The following FREM3 variants were observed in gnomAD, a reference collection of about 807,000 sequenced individuals.
FREM3 encodes FRAS1-related extracellular matrix protein 3.
FREM3 carries 105 observed loss-of-function variants against 129.1 expected under a neutral mutation model. That is an observed-to-expected ratio of 0.81 (90% CI 0.69 to 0.96). FREM3 has a LOEUF of 0.96. Ranked by LOEUF, FREM3 falls within the 40% of genes least tolerant of loss-of-function variation. FREM3 has a pLI of 0.00. For synonymous variants in FREM3, 1,014 were observed against 1,044.9 expected, an observed-to-expected ratio of 0.97 and a Z score of 0.57; for missense variants, 2,593 against 2,666.3, an observed-to-expected ratio of 0.97 and a Z score of 0.61.
intron 2 of FREM3, among the ~76,000 whole-genome samples, chr4:143,654,968 G>C (rs567482359): frequency 6.6e-6 from 1 of 152,352 alleles, no homozygotes; most frequent in African/African-American, 2.4e-5. Flanking sequence ...TAAGCATGGA[G>C]GAGCACACGG....
At position 143,697,726 on chromosome 4, in the gene FREM3, G is replaced by A. The variant is rs1372876898; in HGVS notation, c.2950C>T (p.Leu984=). ...GKRKDVGDLM[L]SFIVKDSPKL... ...GGGCTGTCCTTTACAATGAAAGACA[G>A]CATCAAGTCACCTACATCCTTCCTT... is the stretch of plus-strand genomic sequence containing the variant. Residue 984 remains leucine (L), a synonymous_variant, in exon 1 of 8, where the codon CTG becomes TTG. Coordinates refer to ENST00000329798, the MANE Select transcript of FREM3 (RefSeq NM_001168235.2). 8 of 1,537,548 alleles carry A rather than the reference G, an allele frequency of 5.2e-6. No individual in the cohort carries two copies. The highest frequency in any genetic ancestry group is 3.6e-5 in the South Asian group (3 of 84,064).
In FREM3 at chr4:143,674,981, C is replaced by T. The variant is rs184163238; in HGVS notation, c.5275+18132G>A. 8.4e-3 allele frequency among the ~76,000 whole-genome samples: 1,286 copies of T among 152,208 alleles called. 5 individuals carry two copies. The highest frequency in any genetic ancestry group is 0.013 in the Non-Finnish European group (915 of 68,000). On this transcript the variant is annotated intron_variant, in intron 2 of 7. Coordinates refer to ENST00000329798, the MANE Select transcript of FREM3 (RefSeq NM_001168235.2). The stretch of plus-strand genomic sequence containing the variant: ...CCCCACTGAACATTAGACAGATCAA[C>T]GAGAAAGAAAGTTAACAAGGATATC...
Position 143,700,504 on chromosome 4 carries a change from C to G in FREM3, c.172G>C (p.Asp58His), listed in dbSNP as rs756055456. 3 of 1,515,084 alleles carry G rather than the reference C, an allele frequency of 2.0e-6. No homozygotes were observed. The South Asian group carries it at 3.7e-5, about 19-fold the overall frequency. The allele number at this position is 1,515,084 out of a possible 1,614,324, so 93.9% of individuals were successfully genotyped here. A position where few individuals can be genotyped will look rare whatever the true frequency, so the allele number is the denominator to read the frequency against. Residue 58 changes from aspartate to histidine, a missense_variant, in exon 1 of 8, where the codon GAC (aspartate) becomes CAC (histidine). Physicochemically the swap from Asp to His is moderately conservative, Grantham distance 81 (BLOSUM62 -1). Around this residue, in one of 2 missense-constraint regions of FREM3, gnomAD observed 2,276 missense variants for 2,267.2 expected, o/e 1.00. Coordinates refer to ENST00000329798, the MANE Select transcript of FREM3 (RefSeq NM_001168235.2). ...TTGGCAATCAGCACGCTGGGGCCGT[C>G]GGGGCGAGTGCCGTCAAGCGCACCC... ...ARGALDGTRP[D>H]GPSVLIANPG... is the part of the protein sequence containing the mutation.
intron 6 of FREM3, among the ~76,000 whole-genome samples, chr4:143,598,001 A>G (rs1327005324): frequency 3.3e-5 from 5 of 152,218 alleles, no homozygotes; most frequent in Admixed American, 6.6e-5. Context: ...CTTATATGAC[A>G]AAAGAGGTGA....
Position 143,677,617 on chromosome 4 carries a change from T to C in FREM3, c.5275+15496A>G, listed in dbSNP as rs182104620. 9.7e-3 allele frequency among the ~76,000 whole-genome samples: 1,482 copies of C among 152,240 alleles called. 25 individuals are homozygous for C. Among genetic ancestry groups the C allele is most frequent in the African/African-American group, 0.033 (1,374 of 41,516 alleles). Reference sequence around the variant, plus strand: ...CAGAGTGAACAGGCAACCTACAGAATGGGAGAAAAATTTTGCAATCTACTC... The same window carrying C: ...CAGAGTGAACAGGCAACCTACAGAACGGGAGAAAAATTTTGCAATCTACTC... On this transcript the variant is annotated intron_variant, in intron 2 of 7. Coordinates refer to ENST00000329798, the MANE Select transcript of FREM3 (RefSeq NM_001168235.2).
chr4:143,625,073 A>AAAC (rs962963758), intron 3 of FREM3, among the ~76,000 whole-genome samples: 3 of 152,160 alleles, frequency 2.0e-5, no homozygotes, highest in Non-Finnish European at 4.4e-5. Flanking sequence ...TGAAGATACG[A>AAAC]AACAACAACA....
intron 2 of FREM3, among the ~76,000 whole-genome samples, chr4:143,658,895 G>A (rs1355387036): frequency 4.6e-5 from 7 of 151,942 alleles, no homozygotes; most frequent in Admixed American, 4.6e-4. Context: ...GGTTTACAAA[G>A]TTACGGTGAA....
chr4:143,691,807 A>G (rs1035030441), intron 2 of FREM3, among the ~76,000 whole-genome samples: 2 of 152,208 alleles, frequency 1.3e-5, no homozygotes, highest in African/African-American at 4.8e-5. Flanking sequence ...CACAAAGCAT[A>G]GTGTGAGAGT....
chr4:143,679,617 A>G (rs932089913), intron 2 of FREM3, among the ~76,000 whole-genome samples: 1 of 152,180 alleles, frequency 6.6e-6, no homozygotes, highest in African/African-American at 2.4e-5. Flanking sequence ...GGATCTGCAC[A>G]TCCAGCCCTC....
chr4:143,639,395 G>T (rs543956128), intron 2 of FREM3, among the ~76,000 whole-genome samples: 20 of 152,190 alleles, frequency 1.3e-4, no homozygotes, highest in African/African-American at 4.8e-4. Flanking sequence ...GCTAACTAAA[G>T]GTGTGGCCCT....
chr4:143,605,612 G>T (rs553810395), intron 6 of FREM3, among the ~76,000 whole-genome samples: 1 of 152,264 alleles, frequency 6.6e-6, no homozygotes, highest in South Asian at 2.1e-4. Flanking sequence ...TGTAGCCAAA[G>T]TGGTTTGCCA....
chr4:143,656,805 A>G lies in FREM3; in HGVS notation c.5276-29045T>C, dbSNP rs115496087. ...TGCATACTTTAAGTGGGTAAATTGTATAAGATGTGAGTTTTCTTCAATAAA... is the reference window on the plus strand; with the variant it reads ...TGCATACTTTAAGTGGGTAAATTGTGTAAGATGTGAGTTTTCTTCAATAAA... On this transcript the variant is annotated intron_variant, in intron 2 of 7. Coordinates refer to ENST00000329798, the MANE Select transcript of FREM3 (RefSeq NM_001168235.2). Among the ~76,000 whole-genome samples the G allele has an allele frequency of 4.7e-3, 715 of 152,320 alleles. 4 individuals are homozygous for G. Among genetic ancestry groups the G allele is most frequent in the African/African-American group, 0.017 (686 of 41,570 alleles).
At chr4:143,621,362 C>A (rs551710155) in intron 4 of FREM3, among the ~76,000 whole-genome samples, 200 bp from the exon 5 acceptor site, 4 of 152,052 alleles carry the variant, frequency 2.6e-5, no homozygotes, top group Non-Finnish European at 5.9e-5. Flanking sequence ...TTTAGGAGAC[C>A]TCTTTTGAAA....
At chr4:143,676,014 A>G (rs1348238871) in intron 2 of FREM3, among the ~76,000 whole-genome samples, 1 of 152,228 alleles carries the variant, frequency 6.6e-6, no homozygotes, top group Non-Finnish European at 1.5e-5. Context: ...CAATAGAAAA[A>G]GAGTGAATCC....
chr4:143,632,727 T>C (rs1739161698), intron 2 of FREM3, among the ~76,000 whole-genome samples: 1 of 152,152 alleles, frequency 6.6e-6, no homozygotes, highest in Non-Finnish European at 1.5e-5. Flanking sequence ...GTCCAATCTT[T>C]TGGCTTCCCT....
intron 6 of FREM3, among the ~76,000 whole-genome samples, chr4:143,595,097 A>G (rs1738442965): frequency 1.3e-5 from 2 of 152,258 alleles, no homozygotes; most frequent in African/African-American, 2.4e-5. Flanking sequence ...AAATGAGTTC[A>G]GTGTTCATAT....
chr4:143,656,532 A>C (rs1356090555), intron 2 of FREM3, among the ~76,000 whole-genome samples: 1 of 152,232 alleles, frequency 6.6e-6, no homozygotes, highest in Non-Finnish European at 1.5e-5. Flanking sequence ...CCTTGAAAAC[A>C]TTAGGCTAAG....
chr4:143,693,253 G>T, intron 1 of FREM3, 51 bp from the exon 2 acceptor site: 1 of 914,486 alleles, frequency 1.1e-6, no homozygotes, highest in South Asian at 1.9e-5. Flanking sequence ...AAATGAAAAT[G>T]AGTATGTTAA....
At chr4:143,651,798 CA>C (rs1739515470) in intron 2 of FREM3, among the ~76,000 whole-genome samples, 1 of 152,104 alleles carries the variant, frequency 6.6e-6, no homozygotes, top group African/African-American at 2.4e-5. Flanking sequence ...TACTTCTTAA[CA>C]GATGGAAGGA....
Sources: allele counts gnomAD v4.1 joint callset (sites outside exome capture counted in the v4.1 genomes callset), GRCh38; gene constraint gnomAD v4.1.1; regional missense constraint gnomAD v4.1.1; transcripts MANE v1.5; gene names NCBI Gene and HGNC (gene_info 2026-07-23, HGNC 2026-07-21).